The following CHD2 variants were observed in gnomAD, a reference collection of about 807,000 sequenced individuals.
The protein encoded by CHD2 is ATP-dependent chromatin remodeler CHD2.
Under a neutral mutation model 243.9 loss-of-function variants are expected in CHD2, and 28 were observed. The ratio of observed to expected loss-of-function variants is 0.11; its 90% CI spans 0.09 to 0.16. CHD2 has a LOEUF of 0.16. Ranked by LOEUF, CHD2 falls within the 10% of genes least tolerant of loss-of-function variation. The pLI is 1.00. For missense variants in CHD2, 1,386 were observed against 2,209.8 expected, an observed-to-expected ratio of 0.63 and a Z score of 7.47; for synonymous variants, 775 against 779.0, an observed-to-expected ratio of 0.99 and a Z score of 0.09.
At chr15:93,010,575 CA>C (rs1344412734) in intron 35 of CHD2, among the ~76,000 whole-genome samples, 2 of 152,126 alleles carry the variant, frequency 1.3e-5, no homozygotes, top group Non-Finnish European at 2.9e-5. Context: ...AGGTGCCTGC[CA>C]TCACGCCTGG....
At chr15:92,927,451 T>C in intron 4 of CHD2, 121 bp downstream of exon 4, 1 of 649,920 alleles carries the variant, frequency 1.5e-6, no homozygotes, top group Non-Finnish European at 2.7e-6. Flanking sequence ...TAAGTGACTC[T>C]AATATGAGCT....
intron 5 of CHD2, among the ~76,000 whole-genome samples, chr15:92,932,902 C>T (rs2053198917): frequency 6.6e-6 from 1 of 151,984 alleles, no homozygotes. Context: ...GCCACTGTGC[C>T]CAGCTGATTT....
At chr15:92,954,454 G>A (rs1227112533) in intron 14 of CHD2, 5 of 152,182 alleles carry the variant, frequency 3.3e-5, no homozygotes, top group Non-Finnish European at 7.4e-5. Flanking sequence ...GTTGCATGTT[G>A]TAACCATATA....
At chr15:92,990,159 C>T (rs1567154449) in intron 26 of CHD2, among the ~76,000 whole-genome samples, 1 of 152,172 alleles carries the variant, frequency 6.6e-6, no homozygotes, top group Non-Finnish European at 1.5e-5. Flanking sequence ...TCTTAGGGTG[C>T]TGTTAGCCAG....
At chr15:93,005,187 G>C (rs1291714638) in intron 34 of CHD2, among the ~76,000 whole-genome samples, 1 of 152,206 alleles carries the variant, frequency 6.6e-6, no homozygotes, top group Non-Finnish European at 1.5e-5. Context: ...CTGTGACAGG[G>C]CTCTGGAGGA....
chr15:92,916,044 G>A (rs908050813), intron 2 of CHD2, among the ~76,000 whole-genome samples: 13 of 152,182 alleles, frequency 8.5e-5, no homozygotes, highest in African/African-American at 3.1e-4. Context: ...TGTATTCAGT[G>A]AAAGGCTAAT....
At chr15:92,911,477 C>G (rs2052733288) in intron 2 of CHD2, among the ~76,000 whole-genome samples, 1 of 152,156 alleles carries the variant, frequency 6.6e-6, no homozygotes. Flanking sequence ...GTGGTTGATT[C>G]TTGTAATCCC....
At chr15:93,012,540 A>G (rs1388494948) in intron 36 of CHD2, 96 bp downstream of exon 36, 1 of 795,114 alleles carries the variant, frequency 1.3e-6, no homozygotes, top group Non-Finnish European at 2.0e-6. Flanking sequence ...ATGATCACAG[A>G]ATCATGGGTT....
intron 17 of CHD2, 84 bp downstream of exon 17, chr15:92,967,597 TG>T (rs771496790): frequency 1.5e-4 from 144 of 952,786 alleles, no homozygotes; most frequent in Admixed American, 7.5e-4. Context: ...TATATACTTT[TG>T]TTTTTTTTTT....
rs919014444 is a variant in CHD2 at position 92,991,602 on chromosome 15, A to T, written c.3455+85A>T. The T allele has an allele frequency of 3.2e-6, 3 of 934,256 alleles. No individual in the cohort carries two copies. In the African/African-American group the frequency reaches 5.1e-5, roughly 16 times the overall value. The allele number at this position is 934,256 out of a possible 1,614,324, so 57.9% of individuals were successfully genotyped here. A position where few individuals can be genotyped will look rare whatever the true frequency, so the allele number is the denominator to read the frequency against. On this transcript the variant is annotated intron_variant, in intron 27 of 38. Coordinates refer to ENST00000394196, the MANE Select transcript of CHD2 (RefSeq NM_001271.4). Reference sequence around the variant, plus strand: ...TCTTTTTTGGTAAATTTTTCCATTTAATACTAATGCTGGGAACATTTTTTT... The same window carrying T: ...TCTTTTTTGGTAAATTTTTCCATTTTATACTAATGCTGGGAACATTTTTTT...
chr15:92,924,628 C>T, intron 3 of CHD2, 76 bp downstream of exon 3: 1 of 1,257,730 alleles, frequency 8.0e-7, no homozygotes, highest in Non-Finnish European at 1.2e-6. Context: ...TTCATGAAAA[C>T]TCATTAGTAT....
intron 2 of CHD2, among the ~76,000 whole-genome samples, chr15:92,913,242 T>C (rs574623851): frequency 6.6e-6 from 1 of 152,362 alleles, no homozygotes; most frequent in Admixed American, 6.5e-5. Context: ...TTTTCTGTTC[T>C]GTTCTGCTGC....
Position 92,973,026 on chromosome 15 carries a change from T to C in CHD2, c.2505+609T>C, listed in dbSNP as rs1338511552. 3.3e-5 allele frequency among the ~76,000 whole-genome samples: 5 copies of C among 152,168 alleles called. No homozygotes were observed. In the East Asian group the frequency reaches 5.8e-4, roughly 18 times the overall value. ...AAAAAGGATGTCAGATGGCATCTTA[T>C]TGCATGTGTATGGTGAAAGTAGAGA... On this transcript the variant is annotated intron_variant, in intron 19 of 38. Transcript: ENST00000394196.
intron 34 of CHD2, 44 bp downstream of exon 34, chr15:93,004,795 A>G (rs1445582035): frequency 6.3e-7 from 1 of 1,594,284 alleles, no homozygotes; most frequent in Non-Finnish European, 8.6e-7. Context: ...CAGCCGCGGT[A>G]CTTGCTGTGG....
intron 7 of CHD2, among the ~76,000 whole-genome samples, chr15:92,941,058 G>T (rs1030112057): frequency 6.8e-6 from 1 of 146,436 alleles, no homozygotes; most frequent in Non-Finnish European, 1.5e-5. Flanking sequence ...CTAGAGTGCA[G>T]TGGCGCGATC....
intron 20 of CHD2, among the ~76,000 whole-genome samples, chr15:92,976,607 A>G (rs1355341850): frequency 1.3e-5 from 2 of 151,590 alleles, no homozygotes; most frequent in Non-Finnish European, 2.9e-5. Flanking sequence ...ACTTGAGACC[A>G]GGAGTTTGAG....
At chr15:92,939,755 G>A in intron 7 of CHD2, 37 bp downstream of exon 7, 1 of 1,592,416 alleles carries the variant, frequency 6.3e-7, no homozygotes, top group Middle Eastern at 1.7e-4. Flanking sequence ...CTGGTGTGAT[G>A]TGATAAAGTA....
At chr15:92,954,372 CA>C (rs2053592147) in intron 14 of CHD2, 1 of 152,190 alleles carries the variant, frequency 6.6e-6, no homozygotes, top group Non-Finnish European at 1.5e-5. Context: ...GCTCTTTCAT[CA>C]CTGTATATAA....
Position 93,024,509 on chromosome 15 carries a change from C to T in CHD2, c.5291C>T (p.Ser1764Phe), listed in dbSNP as rs1261364517. 1.2e-6 allele frequency: 2 copies of T among 1,614,220 alleles called. No homozygotes were observed. Among genetic ancestry groups the T allele is most frequent in the South Asian group, 1.1e-5 (1 of 91,078 alleles). Residue 1764 changes from serine to phenylalanine, a missense_variant, in exon 39 of 39, where the codon TCT (serine) becomes TTT (phenylalanine). Around this residue, in one of 19 missense-constraint regions of CHD2, gnomAD observed 347 missense variants for 341.6 expected, o/e 1.02. Coordinates refer to ENST00000394196, the MANE Select transcript of CHD2 (RefSeq NM_001271.4). Reference protein sequence around the residue: ...HGQGPSDHYRSFHTDKLGEYK... With the variant: ...HGQGPSDHYRFFHTDKLGEYK... ...CAGGGACCCTCAGACCATTACCGCT[C>T]TTTCCACACAGATAAACTGGGGGAA...
Sources: gnomAD v4.1 joint callset for allele counts (sites outside exome capture counted in the v4.1 genomes callset) on GRCh38, gnomAD v4.1.1 for gene constraint, gnomAD v4.1.1 regional missense constraint, MANE v1.5 for transcripts, NCBI Gene and HGNC (gene_info 2026-07-23, HGNC 2026-07-21) for gene names.